The following HS3ST5 variants were observed in gnomAD, a reference collection of about 807,000 sequenced individuals.
HS3ST5 encodes the protein heparan sulfate-glucosamine 3-sulfotransferase 5.
In HS3ST5, 10 loss-of-function variants were observed where a neutral mutation model predicts 25.4. The ratio of observed to expected loss-of-function variants is 0.39; its 90% CI spans 0.24 to 0.67. The LOEUF (loss-of-function observed/expected upper bound fraction) is 0.67. Among genes scored for constraint, HS3ST5 ranks in the 30% least tolerant of loss-of-function variants. The pLI is 0.44. For synonymous variants in HS3ST5, 170 were observed against 162.4 expected, an observed-to-expected ratio of 1.05 and a Z score of -0.36; for missense variants, 324 against 420.7, an observed-to-expected ratio of 0.77 and a Z score of 2.01.
chr6:114,154,665 C>T (rs956595689), intron 3 of HS3ST5, among the ~76,000 whole-genome samples: 5 of 152,154 alleles, frequency 3.3e-5, no homozygotes, highest in African/African-American at 1.2e-4. Flanking sequence ...CTCCCTTCCC[C>T]TCACCCACTT....
At chr6:114,176,455 A>G (rs1007104941) in intron 2 of HS3ST5, among the ~76,000 whole-genome samples, 2 of 152,202 alleles carry the variant, frequency 1.3e-5, no homozygotes, top group African/African-American at 4.8e-5. Context: ...AGCCACTTGT[A>G]TCATTGGCAG....
chr6:114,120,072 G>C (rs1218510735), intron 3 of HS3ST5, among the ~76,000 whole-genome samples: 5 of 152,132 alleles, frequency 3.3e-5, no homozygotes, highest in African/African-American at 1.2e-4. Context: ...TTGAACCTGG[G>C]AGGCAGAGGT....
chr6:114,172,514 A>G (rs1285666653), intron 2 of HS3ST5, among the ~76,000 whole-genome samples: 2 of 152,196 alleles, frequency 1.3e-5, no homozygotes, highest in East Asian at 3.9e-4. Flanking sequence ...AGCAGAGAAG[A>G]CCCGTTTGAG....
intron 1 of HS3ST5, among the ~76,000 whole-genome samples, chr6:114,283,768 T>C (rs941338571): frequency 2.6e-5 from 4 of 152,114 alleles, no homozygotes. Context: ...AGAGCATTTG[T>C]GAAATTTATT....
At chr6:114,318,669 C>T (rs765727809) in intron 1 of HS3ST5, among the ~76,000 whole-genome samples, 1 of 152,156 alleles carries the variant, frequency 6.6e-6, no homozygotes, top group African/African-American at 2.4e-5. Flanking sequence ...CAACCAGCAT[C>T]GTGATTACAA....
At position 114,277,325 on chromosome 6, in the gene HS3ST5, T is replaced by C. The variant is rs535812314; in HGVS notation, c.-338-48547A>G. On this transcript the variant is annotated intron_variant, in intron 1 of 4. Transcript: ENST00000312719. ...TTGTCTGCCCATGGTGGATAAGTAA[T>C]AAGCAGAACTAGGAAAAGGAAAAAA... is the stretch of plus-strand genomic sequence containing the variant. Among the ~76,000 whole-genome samples the C allele has an allele frequency of 9.9e-5, 15 of 151,576 alleles. No individual in the cohort carries two copies. In the South Asian group the frequency reaches 2.9e-3, roughly 29 times the overall value.
At chr6:114,157,482 G>A (rs945730118) in intron 3 of HS3ST5, among the ~76,000 whole-genome samples, 1 of 152,150 alleles carries the variant, frequency 6.6e-6, no homozygotes, top group African/African-American at 2.4e-5. Context: ...CAGTTAGATA[G>A]GAGAAATAAG....
At chr6:114,106,478 A>C (rs1043420967) in intron 3 of HS3ST5, among the ~76,000 whole-genome samples, 1 of 152,132 alleles carries the variant, frequency 6.6e-6, no homozygotes, top group Non-Finnish European at 1.5e-5. Flanking sequence ...TTCTGTAAAT[A>C]ACAGTACAGA....
chr6:114,163,890 CCATTTATTAGTT>C (rs1338571012), intron 3 of HS3ST5, among the ~76,000 whole-genome samples: 8 of 152,040 alleles, frequency 5.3e-5, no homozygotes, highest in Non-Finnish European at 8.8e-5. Flanking sequence ...TGTGGTTCTA[CCATTTATTAGTT>C]TACTAATCTA....
chr6:114,122,074 C>G (rs1562205242), intron 3 of HS3ST5, among the ~76,000 whole-genome samples: 1 of 152,126 alleles, frequency 6.6e-6, no homozygotes, highest in Non-Finnish European at 1.5e-5. Context: ...CACCCCCTGT[C>G]CCTGGGGATG....
chr6:114,111,872 C>T (rs953931105), intron 3 of HS3ST5, among the ~76,000 whole-genome samples: 17 of 152,122 alleles, frequency 1.1e-4, no homozygotes, highest in Admixed American at 8.5e-4. Flanking sequence ...CTGCCTCAAC[C>T]GTCACGTCCT....
At chr6:114,163,372 A>G (rs1779062459) in intron 3 of HS3ST5, among the ~76,000 whole-genome samples, 1 of 152,160 alleles carries the variant, frequency 6.6e-6, no homozygotes, top group South Asian at 2.1e-4. Context: ...GGTAAGTTTT[A>G]AATAAAACTG....
chr6:114,128,348 C>CA (rs1215504325), intron 3 of HS3ST5, among the ~76,000 whole-genome samples: 2 of 151,052 alleles, frequency 1.3e-5, no homozygotes, highest in African/African-American at 2.4e-5. Flanking sequence ...AAAATTGCAC[C>CA]AAAAAAAAGT....
At chr6:114,313,563 T>A (rs1424467319) in intron 1 of HS3ST5, among the ~76,000 whole-genome samples, 1 of 152,164 alleles carries the variant, frequency 6.6e-6, no homozygotes, top group African/African-American at 2.4e-5. Flanking sequence ...AAATAAATAC[T>A]GTATAATTTC....
chr6:114,341,937 T>G (rs915532647), intron 1 of HS3ST5, among the ~76,000 whole-genome samples: 22 of 152,124 alleles, frequency 1.4e-4, no homozygotes, highest in African/African-American at 5.3e-4. Flanking sequence ...GCAGGCTGAC[T>G]GACACCTTCT....
At chr6:114,073,148 A>G (rs186364150) in intron 3 of HS3ST5, among the ~76,000 whole-genome samples, 18 of 152,302 alleles carry the variant, frequency 1.2e-4, no homozygotes, top group African/African-American at 4.3e-4. Context: ...TTAACTCAAG[A>G]TGGAAAAGAC....
chr6:114,075,574 T>C (rs1010407513), intron 3 of HS3ST5, among the ~76,000 whole-genome samples: 2 of 152,232 alleles, frequency 1.3e-5, no homozygotes, highest in African/African-American at 4.8e-5. Context: ...CTTGGTTTAA[T>C]GCTCTATTGT....
chr6:114,137,644 G>A (rs1246681649), intron 3 of HS3ST5, among the ~76,000 whole-genome samples: 3 of 152,184 alleles, frequency 2.0e-5, no homozygotes, highest in Non-Finnish European at 2.9e-5. Flanking sequence ...AAGGAAATGC[G>A]ATTTCTTATG....
chr6:114,168,047 AACAC>A lies in HS3ST5; in HGVS notation c.-33+300_-33+303del, dbSNP rs551031118. On this transcript the variant is annotated intron_variant, in intron 3 of 4. Coordinates refer to ENST00000312719, the MANE Select transcript of HS3ST5 (RefSeq NM_153612.4). ...TGATAACTTCAGCTTGACAAAAACA[AACAC>A]ACACACAAACAAAAAACAACACACG... Among the ~76,000 whole-genome samples the A allele has an allele frequency of 4.6e-3, 696 of 152,294 alleles. 2 individuals carry two copies. The highest frequency in any genetic ancestry group is 0.016 in the African/African-American group (672 of 41,564).
Sources: gnomAD v4.1 joint callset for allele counts (sites outside exome capture counted in the v4.1 genomes callset) on GRCh38, gnomAD v4.1.1 for gene constraint, MANE v1.5 for transcripts, NCBI Gene and HGNC (gene_info 2026-07-23, HGNC 2026-07-21) for gene names.